Variants in IRAK3 observed in about 807,000 individuals in gnomAD.
IRAK3 encodes interleukin 1 receptor associated kinase 3.
Under a neutral mutation model 56.6 loss-of-function variants are expected in IRAK3, and 57 were observed. The ratio of observed to expected loss-of-function variants is 1.01; its 90% CI spans 0.81 to 1.26. The LOEUF (loss-of-function observed/expected upper bound fraction) is 1.26, where lower values mean the gene tolerates loss of function less well. IRAK3 is among the 50% of genes most tolerant of loss of function. The pLI is 0.00. For synonymous variants in IRAK3, 258 were observed against 255.7 expected (o/e 1.01, Z -0.09); for missense variants, 703 against 719.0 (o/e 0.98, Z 0.25).
chr12:66,240,687 C>G (rs1421873305), intron 8 of IRAK3, among the ~76,000 whole-genome samples: 1 of 151,864 alleles, frequency 6.6e-6, no homozygotes, highest in Non-Finnish European at 1.5e-5. Context: ...TCCTCTTTAT[C>G]TCTGGAGCCA....
chr12:66,228,298 T>C lies in IRAK3; in HGVS notation c.815T>C (p.Ile272Thr). The part of the protein sequence containing the change: ...LPWHIRIGIL[I>T]GISKAIHYLH... ...TGGCACATTCGAATCGGTATATTAA[T>C]AGGAATATCCAAAGCCATTCACTAC... Residue 272 changes from isoleucine to threonine, a missense_variant, in exon 8 of 12, where the codon ATA becomes ACA. Coordinates refer to ENST00000261233, the MANE Select transcript of IRAK3 (RefSeq NM_007199.3). 2 of 1,614,162 alleles carry C rather than the reference T, an allele frequency of 1.2e-6. No homozygotes were observed. The highest frequency in any genetic ancestry group is 1.1e-5 in the South Asian group (1 of 91,086).
chr12:66,228,159 T>C, intron 7 of IRAK3, 93 bp from the exon 8 acceptor site: 3 of 925,426 alleles, frequency 3.2e-6, no homozygotes, highest in African/African-American at 1.6e-5. Context: ...CACCTTGCTA[T>C]CTACTTCTAT....
chr12:66,206,694 A>G (rs550870940), intron 2 of IRAK3, among the ~76,000 whole-genome samples: 2 of 152,260 alleles, frequency 1.3e-5, no homozygotes, highest in Admixed American at 6.5e-5. Context: ...TAATGTCTTT[A>G]TCCGGCATTG....
At position 66,199,723 on chromosome 12, in the gene IRAK3, G is replaced by C. The variant is rs577477355; in HGVS notation, c.134-3988G>C. Among the ~76,000 whole-genome samples the C allele has an allele frequency of 3.3e-5, 5 of 152,220 alleles. No individual in the cohort carries two copies. The South Asian group carries it at 1.0e-3, about 32-fold the overall frequency. On this transcript the variant is annotated intron_variant, in intron 1 of 11. Transcript: ENST00000261233. Reference sequence around the variant, plus strand: ...ACTCAACAAATGTTTGAACTACACTGATTTGCAGTATTTCTCTTAAGAGTT... The same window carrying C: ...ACTCAACAAATGTTTGAACTACACTCATTTGCAGTATTTCTCTTAAGAGTT...
chr12:66,192,683 T>C (rs559830763), intron 1 of IRAK3, among the ~76,000 whole-genome samples: 12 of 152,318 alleles, frequency 7.9e-5, no homozygotes, highest in Admixed American at 5.2e-4. Flanking sequence ...AGTGTGCATT[T>C]GTATATTCAA....
At chr12:66,195,681 C>T (rs73321649) in intron 1 of IRAK3, among the ~76,000 whole-genome samples, 1,543 of 152,100 alleles carry the variant, frequency 0.01, 29 homozygotes, top group African/African-American at 0.035. Context: ...TTTTTTAAGA[C>T]GGAGTTTCGC....
chr12:66,245,662 G>A lies in IRAK3; in HGVS notation c.1314+400G>A, dbSNP rs1037881045. On this transcript the variant is annotated intron_variant, in intron 11 of 11. Transcript: ENST00000261233. The stretch of plus-strand genomic sequence containing the variant: ...TTCTACTGCCTCAGCCTCCCAAGTA[G>A]CTGGGATTATTAGGCACGAGCCACC... Among the ~76,000 whole-genome samples the A allele has an allele frequency of 1.0e-3, 6 of 5,812 alleles. No homozygotes were observed. In the Non-Finnish European group the frequency reaches 0.037, roughly 35 times the overall value. 3.8% of individuals were successfully genotyped at this position (5,812 alleles called of 152,430 possible).
At chr12:66,216,289 TA>T in intron 5 of IRAK3, among the ~76,000 whole-genome samples, 1 of 152,340 alleles carries the variant, frequency 6.6e-6, no homozygotes, top group South Asian at 2.1e-4. Flanking sequence ...AATGGTCTTG[TA>T]AAATGTAAAT....
intron 6 of IRAK3, among the ~76,000 whole-genome samples, chr12:66,224,970 GGGTCCATA>G (rs1377700425): frequency 6.6e-6 from 1 of 152,124 alleles, no homozygotes; most frequent in Non-Finnish European, 1.5e-5. Flanking sequence ...TGGGTGGCAT[GGGTCCATA>G]GGTACAACAC....
chr12:66,210,252 A>G lies in IRAK3; in HGVS notation c.436+51A>G, dbSNP rs1808872156. 1.2e-5 allele frequency: 12 copies of G among 1,028,640 alleles called. No individual in the cohort carries two copies. In the East Asian group the frequency reaches 2.9e-4, roughly 25 times the overall value. The allele number at this position is 1,028,640 out of a possible 1,614,324, so 63.7% of individuals were successfully genotyped here. A position where few individuals can be genotyped will look rare whatever the true frequency, so the allele number is the denominator to read the frequency against. On this transcript the variant is annotated intron_variant, in intron 4 of 11. Transcript: ENST00000261233. ...ACAATTTTTTTAAAATCATACTTTC[A>G]TTTAAGTGAATTAAGAGGGAGAAAT...
At chr12:66,209,400 A>G in intron 2 of IRAK3, 56 bp from the exon 3 acceptor site, 1 of 1,010,422 alleles carries the variant, frequency 9.9e-7, no homozygotes, top group Non-Finnish European at 1.6e-6. Context: ...TCAGAAAGGA[A>G]AAACATTAGG....
At chr12:66,192,745 GCTTA>G (rs1478506481) in intron 1 of IRAK3, among the ~76,000 whole-genome samples, 1 of 151,900 alleles carries the variant, frequency 6.6e-6, no homozygotes, top group Admixed American at 6.6e-5. Context: ...TCCTGTCAAG[GCTTA>G]CTATTGGCCA....
At chr12:66,240,819 CAT>C (rs143209220) in intron 8 of IRAK3, among the ~76,000 whole-genome samples, 365 of 147,032 alleles carry the variant, frequency 2.5e-3, no homozygotes, top group Admixed American at 6.7e-3. Flanking sequence ...TATATACCCA[CAT>C]ATATATATAT....
In IRAK3 at chr12:66,250,468, G is replaced by T. The variant is rs1395466090; in HGVS notation, c.*2297G>T. On this transcript the variant is annotated 3_prime_UTR_variant, in exon 12 of 12. Transcript: ENST00000261233. ...AGCACGAAGTGAGATTAAAACCACA[G>T]TAAGTCTTAGTCTGACTGACAGGCT... The T allele has an allele frequency of 6.6e-6, 1 of 152,204 alleles. No individual in the cohort carries two copies. The highest frequency in any genetic ancestry group is 1.5e-5 in the Non-Finnish European group (1 of 68,040). The allele number at this position is 152,204 out of a possible 1,614,324, so 9.4% of individuals were successfully genotyped here. A position where few individuals can be genotyped will look rare whatever the true frequency, so the allele number is the denominator to read the frequency against.
At chr12:66,227,353 G>A (rs1037517832) in intron 7 of IRAK3, among the ~76,000 whole-genome samples, 3 of 152,132 alleles carry the variant, frequency 2.0e-5, no homozygotes, top group Middle Eastern at 3.2e-3. Context: ...AGCACTTTGG[G>A]AGGGCGAGTT....
intron 8 of IRAK3, among the ~76,000 whole-genome samples, chr12:66,231,416 T>C (rs906815400): frequency 2.6e-5 from 4 of 152,232 alleles, no homozygotes; most frequent in Admixed American, 1.3e-4. Flanking sequence ...CAAATATTTA[T>C]AGAACATCTG....
intron 6 of IRAK3, among the ~76,000 whole-genome samples, chr12:66,220,812 G>A (rs555305971): frequency 7.2e-5 from 11 of 152,122 alleles, no homozygotes; most frequent in South Asian, 2.1e-4. Context: ...GAGCCACCGC[G>A]CCCGGCCTGT....
rs2052816220 is a variant in IRAK3 at position 66,228,893 on chromosome 12, CT to C, written c.887+524del. On this transcript the variant is annotated intron_variant, in intron 8 of 11. Transcript: ENST00000261233. ...CTGAGCACATTTAACATAGGCTGGG[CT>C]AAGCTGGGATGTTCGGTAGGTTAGG... 2.0e-5 allele frequency among the ~76,000 whole-genome samples: 3 copies of C among 152,218 alleles called. No individual in the cohort carries two copies. In the South Asian group the frequency reaches 6.2e-4, roughly 32 times the overall value.
At chr12:66,243,968 A>G (rs11614421) in intron 8 of IRAK3, among the ~76,000 whole-genome samples, 2 of 152,230 alleles carry the variant, frequency 1.3e-5, no homozygotes, top group African/African-American at 2.4e-5. Flanking sequence ...TAAGACTCAA[A>G]GACCAAAAAA....
Sources: allele counts gnomAD v4.1 joint callset (sites outside exome capture counted in the v4.1 genomes callset), GRCh38; gene constraint gnomAD v4.1.1; transcripts MANE v1.5; gene names NCBI Gene and HGNC (gene_info 2026-07-23, HGNC 2026-07-21).